PEX5L: variants seen among roughly 807,000 people sequenced by gnomAD.
PEX5L encodes peroxisomal biogenesis factor 5 like, also known as PEX5-related protein.
In PEX5L, 30 loss-of-function variants were observed where a neutral mutation model predicts 84.0. That is an observed-to-expected ratio of 0.36 (90% CI 0.27 to 0.48). The LOEUF (loss-of-function observed/expected upper bound fraction) is 0.48. PEX5L is among the 20% of genes least tolerant of loss of function. The pLI, the probability that PEX5L is intolerant of heterozygous loss-of-function variation, is 0.99. For missense variants in PEX5L, 533 were observed against 754.6 expected, an observed-to-expected ratio of 0.71 and a Z score of 3.44; for synonymous variants, 270 against 283.1, an observed-to-expected ratio of 0.95 and a Z score of 0.46.
intron 2 of PEX5L, among the ~76,000 whole-genome samples, chr3:179,914,421 T>C (rs1404271): frequency 0.3 from 45,566 of 152,102 alleles, 7,041 homozygotes; most frequent in Non-Finnish European, 0.33. Flanking sequence ...TCATCTTTAC[T>C]TGGTGAATTC....
chr3:179,908,718 G>A (rs544831644), intron 2 of PEX5L, among the ~76,000 whole-genome samples: 2 of 150,838 alleles, frequency 1.3e-5, no homozygotes, highest in Admixed American at 1.3e-4. Context: ...AATATGTGGT[G>A]TTTGGTTTTT....
intron 2 of PEX5L, among the ~76,000 whole-genome samples, chr3:179,943,030 G>A (rs983304378): frequency 1.1e-4 from 16 of 152,168 alleles, no homozygotes; most frequent in Admixed American, 4.6e-4. Flanking sequence ...ATCCAGTGTC[G>A]TTGTGTGACA....
At chr3:180,026,624 G>T (rs1790982135) in intron 1 of PEX5L, among the ~76,000 whole-genome samples, 4 of 152,166 alleles carry the variant, frequency 2.6e-5, no homozygotes, top group Admixed American at 2.6e-4. Flanking sequence ...GAACCATTCT[G>T]CTCTTCTCTG....
chr3:179,927,859 G>A (rs1385760719), intron 2 of PEX5L, among the ~76,000 whole-genome samples: 2 of 152,020 alleles, frequency 1.3e-5, no homozygotes, highest in African/African-American at 4.8e-5. Flanking sequence ...TTTAAATGGG[G>A]GAAGTTTTAG....
intron 1 of PEX5L, 46 bp downstream of exon 1, chr3:180,036,533 A>C (rs1402241457): frequency 6.3e-7 from 1 of 1,592,684 alleles, no homozygotes; most frequent in Non-Finnish European, 8.6e-7. Flanking sequence ...CCTTGCTCTT[A>C]AATTAGCCCC....
intron 8 of PEX5L, among the ~76,000 whole-genome samples, chr3:179,855,741 T>C (rs1669311085): frequency 6.6e-6 from 1 of 152,152 alleles, no homozygotes; most frequent in Non-Finnish European, 1.5e-5. Context: ...ACAAGAGGCC[T>C]GAGGGAATTT....
At chr3:179,846,462 C>G (rs976652001) in intron 8 of PEX5L, among the ~76,000 whole-genome samples, 1 of 152,206 alleles carries the variant, frequency 6.6e-6, no homozygotes, top group Non-Finnish European at 1.5e-5. Context: ...TTGCACCCAT[C>G]AACCAACCTC....
intron 7 of PEX5L, among the ~76,000 whole-genome samples, chr3:179,870,438 C>T (rs1365214456): frequency 2.0e-5 from 3 of 148,242 alleles, no homozygotes; most frequent in Non-Finnish European, 1.5e-5. Context: ...AACCCTAGCC[C>T]CAAACTCCTC....
chr3:179,934,382 A>G (rs1488354347), intron 2 of PEX5L, among the ~76,000 whole-genome samples: 1 of 152,236 alleles, frequency 6.6e-6, no homozygotes, highest in Non-Finnish European at 1.5e-5. Context: ...AATGGTAGTG[A>G]GAACTATCAT....
chr3:180,031,640 C>T (rs985015199), intron 1 of PEX5L, among the ~76,000 whole-genome samples: 2 of 152,296 alleles, frequency 1.3e-5, no homozygotes, highest in East Asian at 3.9e-4. Flanking sequence ...TAGAATTGCA[C>T]ACTGGTTATC....
At chr3:179,985,012 C>A (rs11711626) in intron 1 of PEX5L, among the ~76,000 whole-genome samples, 2,058 of 152,078 alleles carry the variant, frequency 0.014, 28 homozygotes, top group Non-Finnish European at 0.022. Flanking sequence ...CTTTTTTTAC[C>A]TTTGGATGGA....
At position 179,801,814 on chromosome 3, in the gene PEX5L, G is replaced by T; in HGVS notation, c.*14C>A. 1.4e-6 allele frequency: 2 copies of T among 1,463,708 alleles called. No homozygotes were observed. Among genetic ancestry groups the T allele is most frequent in the Non-Finnish European group, 1.9e-6 (2 of 1,042,438 alleles). The allele number at this position is 1,463,708 out of a possible 1,614,324, so 90.7% of individuals were successfully genotyped here. ...CACAGATCAGGGATTATTAGTACTG[G>T]TATTATTCTTTCTTCAAGGATCCAA... On this transcript the variant is annotated 3_prime_UTR_variant, in exon 15 of 15. Coordinates refer to ENST00000467460, the MANE Select transcript of PEX5L (RefSeq NM_016559.3).
intron 4 of PEX5L, among the ~76,000 whole-genome samples, chr3:179,884,031 C>T (rs1020201454): frequency 4.6e-5 from 7 of 152,106 alleles, no homozygotes; most frequent in African/African-American, 1.7e-4. Flanking sequence ...ATGGTAAGTG[C>T]TTATGAGTGT....
chr3:180,017,170 C>T (rs1015931742), intron 1 of PEX5L, among the ~76,000 whole-genome samples: 3 of 152,132 alleles, frequency 2.0e-5, no homozygotes, highest in Admixed American at 6.5e-5. Flanking sequence ...AGAACCACTA[C>T]GCCACCATAT....
chr3:179,973,575 C>T (rs373046236), intron 1 of PEX5L: 1 of 979,798 alleles, frequency 1.0e-6, no homozygotes, highest in Non-Finnish European at 1.2e-6. Context: ...ACTCTTCAGC[C>T]TCCTCATCAT....
In PEX5L at chr3:179,809,615, C is replaced by T. The variant is rs750643589; in HGVS notation, c.1208G>A (p.Ser403Asn). 2.5e-6 allele frequency: 4 copies of T among 1,613,436 alleles called. No homozygotes were observed. The highest frequency in any genetic ancestry group is 3.4e-6 in the Non-Finnish European group (4 of 1,179,884). Reference protein sequence around the residue: ...NLKALMALAVSYTNTGHQQDA... With the variant: ...NLKALMALAVNYTNTGHQQDA... ...CTGCTGATGGCCAGTGTTAGTATAA[C>T]TCACAGCCAAGGCCATCAAAGCTTT... The change falls in exon 12 of 15, where the codon AGT (serine) becomes AAT (asparagine). Residue 403 changes from serine to asparagine, a missense_variant. This residue lies in a region of PEX5L where 3 missense variants were observed against 23.1 expected (regional missense o/e 0.13). Transcript: ENST00000467460.
intron 1 of PEX5L, among the ~76,000 whole-genome samples, chr3:179,993,630 G>T (rs2110383776): frequency 6.6e-6 from 1 of 152,180 alleles, no homozygotes; most frequent in African/African-American, 2.4e-5. Flanking sequence ...CTCCTGAGTA[G>T]CTGGGATTAC....
intron 1 of PEX5L, among the ~76,000 whole-genome samples, 159 bp from the exon 2 acceptor site, chr3:179,971,824 T>C (rs970985707): frequency 1.8e-4 from 28 of 152,222 alleles, no homozygotes; most frequent in Non-Finnish European, 4.4e-5. Context: ...AATGTTTTTA[T>C]TGTTAAACTG....
At chr3:179,859,781 C>T (rs1304013807) in intron 7 of PEX5L, among the ~76,000 whole-genome samples, 1 of 152,210 alleles carries the variant, frequency 6.6e-6, no homozygotes, top group Non-Finnish European at 1.5e-5. Context: ...AGGCCAACTG[C>T]TTTGCCACAA....
Sources: gnomAD v4.1 joint callset for allele counts (sites outside exome capture counted in the v4.1 genomes callset) on GRCh38, gnomAD v4.1.1 for gene constraint, gnomAD v4.1.1 regional missense constraint, MANE v1.5 for transcripts, NCBI Gene and HGNC (gene_info 2026-07-23, HGNC 2026-07-21) for gene names.